PAK4: variants seen among roughly 807,000 people sequenced by gnomAD.
PAK4 encodes the protein p21 (RAC1) activated kinase 4, also known as serine/threonine-protein kinase PAK 4.
PAK4 carries 49 observed loss-of-function variants against 53.5 expected under a neutral mutation model. That is an observed-to-expected ratio of 0.92 (90% CI 0.73 to 1.16). PAK4 has a LOEUF of 1.16. Among genes scored for constraint, PAK4 ranks in the 50% most tolerant of loss-of-function variants. The pLI, the probability that PAK4 is intolerant of heterozygous loss-of-function variation, is 0.00. For missense variants in PAK4, 824 were observed against 850.7 expected, an observed-to-expected ratio of 0.97 and a Z score of 0.39; for synonymous variants, 376 against 375.6, an observed-to-expected ratio of 1.00 and a Z score of -0.01.
chr19:39,146,199 T>G (rs1568504909), intron 1 of PAK4, among the ~76,000 whole-genome samples: 1 of 99,524 alleles, frequency 1.0e-5, no homozygotes, highest in African/African-American at 3.6e-5. Flanking sequence ...GAGCTTATAA[T>G]ACAGTGAGGG....
At position 39,131,368 on chromosome 19, in the gene PAK4, TCC is replaced by T. The variant is rs1211758252; in HGVS notation, c.-23+5450_-23+5451del. ...GGCCTCCCTTTCCTTTCTCATCTAC[TCC>T]TCGTCCCACTGGCTCGTGGTGAGCC... On this transcript the variant is annotated intron_variant, in intron 1 of 8. Transcript: ENST00000358301. Among the ~76,000 whole-genome samples the T allele has an allele frequency of 3.0e-4, 45 of 152,258 alleles. No homozygotes were observed. In the East Asian group the frequency reaches 7.2e-3, roughly 24 times the overall value.
intron 1 of PAK4, among the ~76,000 whole-genome samples, chr19:39,142,442 T>A (rs1003695903): frequency 7.2e-5 from 11 of 152,142 alleles, no homozygotes; most frequent in East Asian, 1.9e-4. Context: ...AAGTTTTTTT[T>A]AAAAAAGCGA....
At chr19:39,147,787 C>T (rs1295796683) in intron 1 of PAK4, among the ~76,000 whole-genome samples, 1 of 143,538 alleles carries the variant, frequency 7.0e-6, no homozygotes, top group African/African-American at 2.6e-5. Context: ...CCTCTTCAGT[C>T]AAAGGTCTCT....
intron 1 of PAK4, among the ~76,000 whole-genome samples, chr19:39,141,746 C>T (rs921406749): frequency 6.6e-6 from 1 of 152,132 alleles, no homozygotes; most frequent in East Asian, 1.9e-4. Context: ...GCACTTCTCC[C>T]TGCCTCAGCC....
Position 39,175,147 on chromosome 19 carries a change from A to C in PAK4, c.1232+83A>C. Reference sequence around the variant, plus strand: ...AGGGGTGGGGCCACATCTCCAAACCAGCTGTGCTCCGGGCCCCTGGGATGG... The same window carrying C: ...AGGGGTGGGGCCACATCTCCAAACCCGCTGTGCTCCGGGCCCCTGGGATGG... On this transcript the variant is annotated intron_variant, in intron 5 of 8. Coordinates refer to ENST00000358301, the Ensembl canonical transcript of PAK4. This position sits in a 1 kb window ranked among gnomAD's most constrained non-coding sequence, Gnocchi z 4.7. 1 of 1,532,046 alleles carries C rather than the reference A, an allele frequency of 6.5e-7. No homozygotes were observed. Among genetic ancestry groups the C allele is most frequent in the East Asian group, 2.3e-5 (1 of 44,154 alleles). 94.9% of individuals were successfully genotyped at this position (1,532,046 alleles called of 1,614,324 possible).
chr19:39,157,319 G>A (rs1310329537), intron 1 of PAK4, among the ~76,000 whole-genome samples: 1 of 152,108 alleles, frequency 6.6e-6, no homozygotes, highest in Non-Finnish European at 1.5e-5. Context: ...GTCATGGAGT[G>A]TCTGCGGCAT....
At chr19:39,151,886 A>G (rs2145192021) in intron 1 of PAK4, among the ~76,000 whole-genome samples, 1 of 152,312 alleles carries the variant, frequency 6.6e-6, no homozygotes, top group Non-Finnish European at 1.5e-5. Flanking sequence ...CTCCCACCTC[A>G]GCCTCCCAAG....
chr19:39,161,114 C>G lies in PAK4; in HGVS notation c.-22-8418C>G, dbSNP rs189434820. 6.6e-6 allele frequency among the ~76,000 whole-genome samples: 1 copy of G among 152,222 alleles called. No individual in the cohort carries two copies. Among genetic ancestry groups the G allele is most frequent in the African/African-American group, 2.4e-5 (1 of 41,458 alleles). Reference sequence around the variant, plus strand: ...GCACTGTTTAGAGGGCTCCGCGTGGCCTGGTCTGTGTGCCTGGCACAGCCT... The same window carrying G: ...GCACTGTTTAGAGGGCTCCGCGTGGGCTGGTCTGTGTGCCTGGCACAGCCT... On this transcript the variant is annotated intron_variant, in intron 1 of 8. Coordinates refer to ENST00000358301, the Ensembl canonical transcript of PAK4. The surrounding 1 kb of genome is among the most constrained non-coding windows in gnomAD (Gnocchi z 4.5).
At chr19:39,180,138 TC>T (rs763366272), downstream of PAK4, 9 of 152,330 alleles carry the variant, frequency 5.9e-5, no homozygotes, top group Non-Finnish European at 1.0e-4. Flanking sequence ...TCCAGGTTAG[TC>T]CACGCCTCCC....
At chr19:39,153,684 C>T (rs2074130893) in intron 1 of PAK4, among the ~76,000 whole-genome samples, 1 of 152,168 alleles carries the variant, frequency 6.6e-6, no homozygotes, top group African/African-American at 2.4e-5. Context: ...TCAGGCGATC[C>T]ACTCGCCTTG....
intron 1 of PAK4, among the ~76,000 whole-genome samples, chr19:39,128,997 C>A (rs1179874498): frequency 6.6e-6 from 1 of 152,252 alleles, no homozygotes; most frequent in Non-Finnish European, 1.5e-5. Context: ...CCAGCAGGGG[C>A]TGACGACTGT....
At chr19:39,146,547 A>G (rs890902141) in intron 1 of PAK4, among the ~76,000 whole-genome samples, 9 of 152,348 alleles carry the variant, frequency 5.9e-5, no homozygotes, top group African/African-American at 1.4e-4. Flanking sequence ...GTAAGAAGTA[A>G]CTCAGAATGG....
At chr19:39,138,711 C>T (rs968543649) in intron 1 of PAK4, among the ~76,000 whole-genome samples, 5 of 152,340 alleles carry the variant, frequency 3.3e-5, no homozygotes, top group Non-Finnish European at 5.9e-5. Context: ...TGGACCCTGG[C>T]GGAGGGCGGG....
At chr19:39,165,556 T>TAAAATAATAAATAA (rs761595959) in intron 1 of PAK4, among the ~76,000 whole-genome samples, 3 of 124,002 alleles carry the variant, frequency 2.4e-5, no homozygotes. Flanking sequence ...ATAAATAAAA[T>TAAAATAATAAATAA]AATAATAGAC....
At chr19:39,177,877 G>GGGTGT in intron 8 of PAK4, 68 bp downstream of exon 9, 1 of 1,525,664 alleles carries the variant, frequency 6.6e-7, no homozygotes, top group African/African-American at 1.4e-5. Flanking sequence ...GTGGAGCATG[G>GGGTGT]GGTGTGGATG....
At chr19:39,180,422 G>A (rs1408903347), downstream of PAK4, 1 of 151,756 alleles carries the variant, frequency 6.6e-6, no homozygotes, top group Non-Finnish European at 1.5e-5. Context: ...AAAGGTTTCA[G>A]GCTTGAATGC....
intron 1 of PAK4, among the ~76,000 whole-genome samples, chr19:39,139,429 G>T (rs2073874625): frequency 6.6e-6 from 1 of 152,204 alleles, no homozygotes. Flanking sequence ...GGGGTGTTCA[G>T]GGAGGACTGA....
chr19:39,151,203 G>A (rs370599321), intron 1 of PAK4, among the ~76,000 whole-genome samples: 1 of 152,222 alleles, frequency 6.6e-6, no homozygotes, highest in East Asian at 1.9e-4. Flanking sequence ...AGCAGAAAAA[G>A]GCAAAGGCTT....
At position 39,167,014 on chromosome 19, in the gene PAK4, G is replaced by A. The variant is rs549632099; in HGVS notation, c.-22-2518G>A. On this transcript the variant is annotated intron_variant, in intron 1 of 8. Coordinates refer to ENST00000358301, the Ensembl canonical transcript of PAK4. ...TTCCCTTGGGGGTTTATGGGTGGGA[G>A]GGCAGGAGGCCAGGCGTCGGAGGAC... Among the ~76,000 whole-genome samples the A allele has an allele frequency of 1.5e-4, 23 of 152,344 alleles. No homozygotes were observed. In the South Asian group the frequency reaches 4.6e-3, roughly 30 times the overall value.
Sources: allele counts gnomAD v4.1 joint callset (sites outside exome capture counted in the v4.1 genomes callset), GRCh38; gene constraint gnomAD v4.1.1; non-coding constraint Gnocchi (gnomAD v3.1); transcripts MANE v1.5; gene names NCBI Gene and HGNC (gene_info 2026-07-23, HGNC 2026-07-21).